SUGT1: variants seen among roughly 807,000 people sequenced by gnomAD.
The protein encoded by SUGT1 is protein SGT1 homolog.
SUGT1 carries 15 observed loss-of-function variants against 56.1 expected under a neutral mutation model. The observed-to-expected ratio is 0.27, with a 90% CI of 0.18 to 0.41. The LOEUF (loss-of-function observed/expected upper bound fraction) is 0.41. SUGT1 is among the 10% of genes least tolerant of loss of function. The pLI is 1.00. For synonymous variants in SUGT1, 123 were observed against 128.6 expected (o/e 0.96, Z 0.30); for missense variants, 347 against 382.2 (o/e 0.91, Z 0.77).
chr13:52,668,339 G>T (rs1228383801), intron 10 of SUGT1, among the ~76,000 whole-genome samples: 1 of 152,130 alleles, frequency 6.6e-6, no homozygotes, highest in African/African-American at 2.4e-5. Flanking sequence ...TTATTAGGTT[G>T]AAGCTCTAAG....
chr13:52,674,352 C>G (rs1001230895), intron 10 of SUGT1, among the ~76,000 whole-genome samples: 5 of 152,014 alleles, frequency 3.3e-5, no homozygotes, highest in African/African-American at 9.7e-5. Context: ...ATCCCAGTGA[C>G]GTTTGCTTCA....
intron 12 of SUGT1, among the ~76,000 whole-genome samples, chr13:52,686,608 A>G (rs1963598425): frequency 6.6e-6 from 1 of 152,260 alleles, no homozygotes; most frequent in Non-Finnish European, 1.5e-5. Flanking sequence ...GGAGCTCGGT[A>G]GAGCGTGTCG....
In SUGT1 at chr13:52,699,244, T is replaced by TG. The variant is rs912176612; in HGVS notation, c.*11410dup. ...AAGTTATTGAATCCATATCACCGTA[T>TG]GACAGCACATGATGAAAGAAAATCA... On this transcript the variant is annotated 3_prime_UTR_variant, in exon 13 of 13. Transcript: ENST00000310528. The TG allele has an allele frequency of 2.0e-5, 3 of 152,190 alleles. No individual in the cohort carries two copies. The highest frequency in any genetic ancestry group is 4.4e-5 in the Non-Finnish European group (3 of 68,034). 9.4% of individuals were successfully genotyped at this position (152,190 alleles called of 1,614,324 possible). A position where few individuals can be genotyped will look rare whatever the true frequency, so the allele number is the denominator to read the frequency against.
intron 11 of SUGT1, among the ~76,000 whole-genome samples, chr13:52,676,922 A>C (rs1419655074): frequency 6.6e-6 from 1 of 152,186 alleles, no homozygotes; most frequent in Admixed American, 6.5e-5. Flanking sequence ...AAGTATGTGC[A>C]ATAACTAGGT....
intron 6 of SUGT1, 110 bp from the exon 7 acceptor site, chr13:52,662,986 C>T (rs568859404): frequency 1.5e-5 from 18 of 1,222,800 alleles, no homozygotes; most frequent in South Asian, 1.0e-4. Flanking sequence ...TTGAAAGGTA[C>T]GGAGAATTTG....
chr13:52,657,743 G>T, intron 3 of SUGT1, 121 bp downstream of exon 3: 1 of 825,512 alleles, frequency 1.2e-6, no homozygotes, highest in South Asian at 1.9e-5. Context: ...AGGTAAAGTA[G>T]CTCAAATGTG....
intron 10 of SUGT1, among the ~76,000 whole-genome samples, chr13:52,675,211 T>C (rs1429517891): frequency 6.6e-6 from 1 of 152,204 alleles, no homozygotes; most frequent in Non-Finnish European, 1.5e-5. Flanking sequence ...CATTTACTTA[T>C]TTAGAACTTC....
At chr13:52,659,495 A>G (rs984581540) in intron 5 of SUGT1, among the ~76,000 whole-genome samples, 4 of 152,026 alleles carry the variant, frequency 2.6e-5, no homozygotes, top group African/African-American at 7.2e-5. Context: ...AACACCTAAC[A>G]TGCTCTCTCT....
chr13:52,686,974 G>A (rs1451591983), intron 12 of SUGT1, among the ~76,000 whole-genome samples: 2 of 146,050 alleles, frequency 1.4e-5, no homozygotes, highest in Non-Finnish European at 3.0e-5. Context: ...GGGAGGCTGA[G>A]GCAGGAGAAG....
At chr13:52,661,009 G>T (rs770414397) in intron 5 of SUGT1, among the ~76,000 whole-genome samples, 1 of 151,958 alleles carries the variant, frequency 6.6e-6, no homozygotes, top group East Asian at 1.9e-4. Context: ...ATGGGGATTT[G>T]CCATGTTGCC....
intron 12 of SUGT1, among the ~76,000 whole-genome samples, chr13:52,683,864 A>G (rs1963468159): frequency 6.6e-6 from 1 of 151,924 alleles, no homozygotes; most frequent in South Asian, 2.1e-4. Context: ...GTGTTTGTAT[A>G]GTCCCTTATT....
intron 12 of SUGT1, among the ~76,000 whole-genome samples, chr13:52,682,388 TG>T (rs35763008): frequency 0.99 from 150,972 of 152,110 alleles, 74,922 homozygotes; most frequent in East Asian, 1. Flanking sequence ...TTTGTAGAGG[TG>T]GGGGTGTCTC....
At position 52,688,804 on chromosome 13, in the gene SUGT1, A is replaced by G. The variant is rs1034458127; in HGVS notation, c.*969A>G. The G allele has an allele frequency of 1.1e-4, 16 of 152,234 alleles. No homozygotes were observed. The highest frequency in any genetic ancestry group is 3.6e-4 in the African/African-American group (15 of 41,460). 9.4% of individuals were successfully genotyped at this position (152,234 alleles called of 1,614,324 possible). The stretch of plus-strand genomic sequence containing the variant: ...AAGAGCTTATAAATGTAGCAGGGAA[A>G]AAAAATAACATTCATGAAGGAACTG... On this transcript the variant is annotated 3_prime_UTR_variant, in exon 13 of 13. Transcript: ENST00000310528.
chr13:52,671,347 G>A (rs933347444), intron 10 of SUGT1, among the ~76,000 whole-genome samples: 3 of 151,712 alleles, frequency 2.0e-5, no homozygotes, highest in South Asian at 2.1e-4. Context: ...TTTTTAAACA[G>A]CTACATTTTG....
chr13:52,662,546 A>T, intron 5 of SUGT1, 103 bp from the exon 6 acceptor site: 4 of 1,148,062 alleles, frequency 3.5e-6, no homozygotes, highest in Admixed American at 1.9e-5. Flanking sequence ...CCGACTCCCC[A>T]GTGCCTAGAA....
At position 52,680,190 on chromosome 13, in the gene SUGT1, G is replaced by C. The variant is rs199585023; in HGVS notation, c.900+35G>C. ...TAAACTTAAAGAAATATATATGGGA[G>C]CAAATTTTACATATTTTAAACGAGA... On this transcript the variant is annotated intron_variant, in intron 12 of 12. Transcript: ENST00000310528. 8 of 1,518,278 alleles carry C rather than the reference G, an allele frequency of 5.3e-6. No homozygotes were observed. The Admixed American group carries it at 1.3e-4, about 24-fold the overall frequency. The allele number at this position is 1,518,278 out of a possible 1,614,324, so 94.1% of individuals were successfully genotyped here. A position where few individuals can be genotyped will look rare whatever the true frequency, so the allele number is the denominator to read the frequency against.
rs1964040345 is a variant in SUGT1, at chr13:52,700,102, A to T, written c.*12267A>T. 1 of 152,172 alleles carries T rather than the reference A, an allele frequency of 6.6e-6. No homozygotes were observed. Among genetic ancestry groups the T allele is most frequent in the Admixed American group, 6.5e-5 (1 of 15,272 alleles). The allele number at this position is 152,172 out of a possible 1,614,324, so 9.4% of individuals were successfully genotyped here. The stretch of plus-strand genomic sequence containing the variant: ...ATTCAGAGGGAATTTAGTGGGGCAT[A>T]TCTCTTAAATGGTTTTGAATAATTT... On this transcript the variant is annotated 3_prime_UTR_variant, in exon 13 of 13. Coordinates refer to ENST00000310528, the MANE Select transcript of SUGT1 (RefSeq NM_006704.5).
chr13:52,669,966 G>C (rs1441230411), intron 10 of SUGT1, among the ~76,000 whole-genome samples: 1 of 152,146 alleles, frequency 6.6e-6, no homozygotes. Flanking sequence ...CATGTATTCA[G>C]ATATCTTGAT....
intron 5 of SUGT1, among the ~76,000 whole-genome samples, chr13:52,660,530 A>G (rs1037217013): frequency 1.3e-5 from 2 of 152,192 alleles, no homozygotes; most frequent in African/African-American, 4.8e-5. Context: ...ACTGTTTTGA[A>G]TGTTTGCCTT....
Sources: allele counts gnomAD v4.1 joint callset (sites outside exome capture counted in the v4.1 genomes callset), GRCh38; gene constraint gnomAD v4.1.1; transcripts MANE v1.5; gene names NCBI Gene and HGNC (gene_info 2026-07-23, HGNC 2026-07-21).